NAALADL2: variants seen among roughly 807,000 people sequenced by gnomAD.
NAALADL2 encodes the protein N-acetylated alpha-linked acidic dipeptidase like 2.
In NAALADL2, 76 loss-of-function variants were observed where a neutral mutation model predicts 87.2. That is an observed-to-expected ratio of 0.87 (90% CI 0.72 to 1.05). NAALADL2 has a LOEUF of 1.05. NAALADL2 is among the 50% of genes least tolerant of loss of function. The probability of loss-of-function intolerance (pLI) is 0.00; values close to 1 mark genes in which losing one functional copy is unlikely to be tolerated. For synonymous variants in NAALADL2, 354 were observed against 331.0 expected, an observed-to-expected ratio of 1.07 and a Z score of -0.75; for missense variants, 1,089 against 945.8, an observed-to-expected ratio of 1.15 and a Z score of -1.99.
chr3:175,522,223 A>G (rs1423504028), intron 9 of NAALADL2, among the ~76,000 whole-genome samples: 1 of 152,180 alleles, frequency 6.6e-6, no homozygotes, highest in Non-Finnish European at 1.5e-5. Context: ...TTACATATAT[A>G]TTGATTTACT....
At chr3:175,739,976 A>G (rs1012581561) in intron 12 of NAALADL2, among the ~76,000 whole-genome samples, 1 of 152,192 alleles carries the variant, frequency 6.6e-6, no homozygotes, top group Non-Finnish European at 1.5e-5. Context: ...TGACCTGAGA[A>G]TGTAAATTTC....
chr3:175,388,383 A>G (rs897912901), intron 5 of NAALADL2, among the ~76,000 whole-genome samples: 2 of 152,118 alleles, frequency 1.3e-5, no homozygotes, highest in African/African-American at 4.8e-5. Flanking sequence ...AACTTAGTGT[A>G]GACATTGCTA....
chr3:175,208,380 G>A (rs557871839), intron 2 of NAALADL2, among the ~76,000 whole-genome samples: 1 of 152,208 alleles, frequency 6.6e-6, no homozygotes, highest in African/African-American at 2.4e-5. Context: ...AAAGTTTATA[G>A]TGTAACAGCA....
At chr3:174,947,258 GTTTT>G (rs1006498743) in intron 1 of NAALADL2, among the ~76,000 whole-genome samples, 1 of 152,004 alleles carries the variant, frequency 6.6e-6, no homozygotes, top group Non-Finnish European at 1.5e-5. Flanking sequence ...ACATGAGTGG[GTTTT>G]TTTGTTTGTT....
chr3:174,953,389 A>G lies in NAALADL2; in HGVS notation c.43+93939A>G, dbSNP rs188749498. On this transcript the variant is annotated intron_variant, in intron 1 of 13. Transcript: ENST00000454872. Reference sequence around the variant, plus strand: ...TCCAGTAAATCATTATTAAATACCTACTACGTGTCAGGCATAGTCCTAGGC... The same window carrying G: ...TCCAGTAAATCATTATTAAATACCTGCTACGTGTCAGGCATAGTCCTAGGC... Among the ~76,000 whole-genome samples the G allele has an allele frequency of 5.9e-3, 808 of 136,062 alleles. 6 individuals carry two copies. The highest frequency in any genetic ancestry group is 0.021 in the African/African-American group (747 of 35,910). 89.3% of individuals were successfully genotyped at this position (136,062 alleles called of 152,430 possible). A position where few individuals can be genotyped will look rare whatever the true frequency, so the allele number is the denominator to read the frequency against.
At position 175,361,779 on chromosome 3, in the gene NAALADL2, A is replaced by G. The variant is rs1325775488; in HGVS notation, c.1090+37454A>G. ...ATTCCGGATATTAGCCCTTTGTCAG[A>G]TGGGTAGATTGTAAAAATGTTCTCC... On this transcript the variant is annotated intron_variant, in intron 5 of 13. Coordinates refer to ENST00000454872, the MANE Select transcript of NAALADL2 (RefSeq NM_207015.3). Among the ~76,000 whole-genome samples, 2 of 148,172 alleles carry G rather than the reference A, an allele frequency of 1.3e-5. 1 individual carries two copies. The highest frequency in any genetic ancestry group is 3.0e-5 in the Non-Finnish European group (2 of 66,638).
At chr3:174,597,028 A>AAGTT (rs1206501035) in intron 2 of NAALADL2, among the ~76,000 whole-genome samples, 1 of 152,182 alleles carries the variant, frequency 6.6e-6, no homozygotes, top group Non-Finnish European at 1.5e-5. Context: ...GAGGCATCCA[A>AAGTT]CACTATCCCA....
At chr3:175,402,599 C>G (rs931469132) in intron 5 of NAALADL2, among the ~76,000 whole-genome samples, 3 of 152,016 alleles carry the variant, frequency 2.0e-5, no homozygotes, top group African/African-American at 7.2e-5. Context: ...TCCAGCTATA[C>G]TATACTAAGT....
chr3:174,637,030 A>G (rs1340321413), intron 2 of NAALADL2, among the ~76,000 whole-genome samples: 5 of 152,160 alleles, frequency 3.3e-5, no homozygotes, highest in Admixed American at 2.0e-4. Context: ...CAACGTGGAT[A>G]GAACTGGAAG....
chr3:174,707,405 A>G (rs981889685), intron 2 of NAALADL2, among the ~76,000 whole-genome samples: 22 of 152,282 alleles, frequency 1.4e-4, no homozygotes, highest in African/African-American at 4.8e-4. Flanking sequence ...CCAAATGTCC[A>G]ACAATGATAG....
intron 2 of NAALADL2, among the ~76,000 whole-genome samples, chr3:175,103,029 A>G (rs1722488966): frequency 1.3e-5 from 2 of 151,486 alleles, no homozygotes; most frequent in Admixed American, 6.6e-5. Context: ...GAATTGCTTG[A>G]ACCCAGGAGG....
chr3:174,950,537 A>G (rs1187020880), intron 1 of NAALADL2, among the ~76,000 whole-genome samples: 1 of 152,152 alleles, frequency 6.6e-6, no homozygotes, highest in Non-Finnish European at 1.5e-5. Flanking sequence ...AAAAGCTAGG[A>G]TCCTTTTTAA....
At chr3:174,515,518 G>A (rs1234222922) in intron 1 of NAALADL2, among the ~76,000 whole-genome samples, 1 of 151,968 alleles carries the variant, frequency 6.6e-6, no homozygotes, top group Non-Finnish European at 1.5e-5. Flanking sequence ...ACATTTTACA[G>A]GGCTTGTCAC....
chr3:175,087,734 C>A (rs1386308596), intron 1 of NAALADL2, among the ~76,000 whole-genome samples: 1 of 152,012 alleles, frequency 6.6e-6, no homozygotes, highest in Admixed American at 6.6e-5. Flanking sequence ...GTCATCACCA[C>A]TCCCTAATCT....
chr3:174,708,920 C>T (rs561804279), intron 2 of NAALADL2, among the ~76,000 whole-genome samples: 3 of 152,118 alleles, frequency 2.0e-5, no homozygotes, highest in Admixed American at 6.5e-5. Context: ...AAATAAAGTC[C>T]ATTCTTTGAA....
intron 2 of NAALADL2, among the ~76,000 whole-genome samples, chr3:174,720,504 ATAATT>A (rs1471224306): frequency 1.3e-5 from 2 of 152,218 alleles, no homozygotes; most frequent in African/African-American, 4.8e-5. Context: ...GTACTTTGTT[ATAATT>A]TAGACAACTG....
intron 1 of NAALADL2, among the ~76,000 whole-genome samples, chr3:174,936,691 A>T (rs960682274): frequency 3.3e-5 from 5 of 152,238 alleles, no homozygotes; most frequent in South Asian, 4.1e-4. Context: ...AATCACCTAA[A>T]TGTGCTTTCC....
chr3:174,859,863 A>G (rs1277298203), intron 1 of NAALADL2, among the ~76,000 whole-genome samples: 2 of 152,222 alleles, frequency 1.3e-5, no homozygotes, highest in African/African-American at 2.4e-5. Flanking sequence ...AAGTTTTGCC[A>G]TCTCTGGAGT....
intron 2 of NAALADL2, among the ~76,000 whole-genome samples, chr3:174,708,147 G>C (rs1730274150): frequency 6.6e-6 from 1 of 152,218 alleles, no homozygotes; most frequent in Middle Eastern, 3.4e-3. Context: ...TAGTTTGTAT[G>C]GTTTGACTCA....
Sources: gnomAD v4.1 joint callset for allele counts (sites outside exome capture counted in the v4.1 genomes callset) on GRCh38, gnomAD v4.1.1 for gene constraint, MANE v1.5 for transcripts, NCBI Gene and HGNC (gene_info 2026-07-23, HGNC 2026-07-21) for gene names.